Variants in USP6NL observed in about 807,000 individuals in gnomAD.
The protein encoded by USP6NL is USP6 N-terminal-like protein.
A neutral mutation model predicts 61.9 loss-of-function variants in USP6NL; 26 were observed. The observed-to-expected ratio is 0.42, with a 90% CI of 0.31 to 0.58. The LOEUF is 0.58. Among genes scored for constraint, USP6NL ranks in the 20% least tolerant of loss-of-function variants. The pLI is 0.16. For synonymous variants in USP6NL, 432 were observed against 390.1 expected, an observed-to-expected ratio of 1.11 and a Z score of -1.27; for missense variants, 1,114 against 1,034.3, an observed-to-expected ratio of 1.08 and a Z score of -1.06.
At position 11,602,248 on chromosome 10, in the gene USP6NL, A is replaced by G. The variant is rs1267805410; in HGVS notation, c.-83-4531T>C. On this transcript the variant is annotated intron_variant, in intron 1 of 14. Coordinates refer to ENST00000609104, the MANE Select transcript of USP6NL (RefSeq NM_014688.5). This position sits in a 1 kb window ranked among gnomAD's most constrained non-coding sequence, Gnocchi z 4.8. ...CAAGTCAGAAAGAAAAAAGCATCAG[A>G]AATGATGCCTCAACCAAGCTACATT... Among the ~76,000 whole-genome samples the G allele has an allele frequency of 2.6e-5, 4 of 152,194 alleles. No homozygotes were observed. The highest frequency in any genetic ancestry group is 5.9e-5 in the Non-Finnish European group (4 of 68,032).
In USP6NL at chr10:11,462,415, C is replaced by T. The variant is rs1372275905; in HGVS notation, c.*26G>A. On this transcript the variant is annotated 3_prime_UTR_variant, in exon 15 of 15. Coordinates refer to ENST00000609104, the MANE Select transcript of USP6NL (RefSeq NM_014688.5). Reference sequence around the variant, plus strand: ...TGTAGGTTTCACGTGGTTTCTCTCTCGTCTTTAGCAAGTACACGTCAAATC... The same window carrying T: ...TGTAGGTTTCACGTGGTTTCTCTCTTGTCTTTAGCAAGTACACGTCAAATC... 2.5e-6 allele frequency: 4 copies of T among 1,599,084 alleles called. No individual in the cohort carries two copies. The highest frequency in any genetic ancestry group is 2.7e-5 in the African/African-American group (2 of 74,382).
rs536749285 is a variant in USP6NL at position 11,510,989 on chromosome 10, A to G, written c.196-1314T>C. On this transcript the variant is annotated intron_variant, in intron 5 of 14. Transcript: ENST00000609104. This position sits in a 1 kb window ranked among gnomAD's most constrained non-coding sequence, Gnocchi z 4.8. ...GCTCCTTACTGACTGTCTGCAATCC[A>G]GCCTCAAACAGGCAGACATTATGCT... 6.6e-6 allele frequency among the ~76,000 whole-genome samples: 1 copy of G among 152,394 alleles called. No individual in the cohort carries two copies. Among genetic ancestry groups the G allele is most frequent in the South Asian group, 2.1e-4 (1 of 4,834 alleles).
At chr10:11,517,619 G>A (rs1008560675) in intron 5 of USP6NL, among the ~76,000 whole-genome samples, 2 of 152,174 alleles carry the variant, frequency 1.3e-5, no homozygotes, top group Non-Finnish European at 2.9e-5. Context: ...GAACCAGACA[G>A]TCACAAGAGA....
At chr10:11,599,820 C>T (rs946818787) in intron 1 of USP6NL, among the ~76,000 whole-genome samples, 2 of 151,326 alleles carry the variant, frequency 1.3e-5, no homozygotes, top group African/African-American at 4.9e-5. Context: ...CCACCACGCC[C>T]GGCTAATTTT....
At chr10:11,583,740 G>A (rs1165027548) in intron 2 of USP6NL, among the ~76,000 whole-genome samples, 3 of 152,052 alleles carry the variant, frequency 2.0e-5, no homozygotes, top group Non-Finnish European at 4.4e-5. Context: ...TAAAAAATTC[G>A]TTATTGGCCA....
At chr10:11,498,970 T>G (rs1834060758) in intron 7 of USP6NL, among the ~76,000 whole-genome samples, 1 of 152,214 alleles carries the variant, frequency 6.6e-6, no homozygotes, top group African/African-American at 2.4e-5. Flanking sequence ...ACTGTACCTA[T>G]TCATCTTCAT....
At chr10:11,576,244 A>C (rs1837540655) in intron 2 of USP6NL, among the ~76,000 whole-genome samples, 1 of 152,236 alleles carries the variant, frequency 6.6e-6, no homozygotes, top group African/African-American at 2.4e-5. Context: ...ATAAAAAATT[A>C]GATCCTGACT....
In USP6NL at chr10:11,470,392, G is replaced by T. The variant is rs1434081045; in HGVS notation, c.1079-6543C>A. ...ATCTGGCCTCTACTATGATGAAGAG[G>T]AAAATCTCCTTGACTTCATTACAGA... On this transcript the variant is annotated intron_variant, in intron 14 of 14. Coordinates refer to ENST00000609104, the MANE Select transcript of USP6NL (RefSeq NM_014688.5). The surrounding 1 kb of genome is among the most constrained non-coding windows in gnomAD (Gnocchi z 5.4). Among the ~76,000 whole-genome samples the T allele has an allele frequency of 6.6e-5, 10 of 152,152 alleles. No homozygotes were observed. The highest frequency in any genetic ancestry group is 6.5e-4 in the Admixed American group (10 of 15,286).
In USP6NL at chr10:11,532,348, G is replaced by T; in HGVS notation, c.5-4781C>A. On this transcript the variant is annotated intron_variant, in intron 2 of 14. Transcript: ENST00000609104. This position sits in a 1 kb window ranked among gnomAD's most constrained non-coding sequence, Gnocchi z 4.1. ...CAACTAACTAAAACAAAGAAAGGCAGAGGCAGCTCTACTTTAAACTATCTG... is the reference window on the plus strand; with the variant it reads ...CAACTAACTAAAACAAAGAAAGGCATAGGCAGCTCTACTTTAAACTATCTG... The T allele has an allele frequency of 1.3e-6, 1 of 790,232 alleles. No homozygotes were observed. Among genetic ancestry groups the T allele is most frequent in the South Asian group, 2.2e-5 (1 of 44,930 alleles). 49.0% of individuals were successfully genotyped at this position (790,232 alleles called of 1,614,324 possible).
In USP6NL at chr10:11,485,085, A is replaced by C; in HGVS notation, c.826-15T>G. The C allele has an allele frequency of 6.5e-7, 1 of 1,537,040 alleles. No individual in the cohort carries two copies. Among genetic ancestry groups the C allele is most frequent in the Non-Finnish European group, 8.7e-7 (1 of 1,142,970 alleles). On this transcript the variant is annotated splice_polypyrimidine_tract_variant and intron_variant, in intron 12 of 14. Transcript: ENST00000609104. This position sits in a 1 kb window ranked among gnomAD's most constrained non-coding sequence, Gnocchi z 4.8. ...GTAAAGGGAGTCTACAATTAAAAGC[A>C]AAACAAAACAAAAATAGGGTTAACA...
chr10:11,555,451 T>TATATATAGAGAGAGAG (rs1427219382), intron 2 of USP6NL, among the ~76,000 whole-genome samples: 3 of 60,996 alleles, frequency 4.9e-5, no homozygotes, highest in East Asian at 9.7e-4. Context: ...TATATATATA[T>TATATATAGAGAGAGAG]AGAGAGAGAG....
chr10:11,569,081 T>C (rs1837268488), intron 2 of USP6NL, among the ~76,000 whole-genome samples: 1 of 152,218 alleles, frequency 6.6e-6, no homozygotes, highest in South Asian at 2.1e-4. Flanking sequence ...CATGAATCCT[T>C]TGTAAATAAA....
intron 10 of USP6NL, among the ~76,000 whole-genome samples, chr10:11,488,483 AAC>A (rs962240612): frequency 2.9e-4 from 44 of 152,348 alleles, no homozygotes; most frequent in African/African-American, 1.1e-3. Flanking sequence ...AGTTATTATA[AAC>A]AGTGTTAACT....
At position 11,496,587 on chromosome 10, in the gene USP6NL, T is replaced by C. The variant is rs1833936035; in HGVS notation, c.385-3359A>G. 1.3e-5 allele frequency among the ~76,000 whole-genome samples: 2 copies of C among 152,286 alleles called. No individual in the cohort carries two copies. The highest frequency in any genetic ancestry group is 1.9e-4 in the East Asian group (1 of 5,192). On this transcript the variant is annotated intron_variant, in intron 7 of 14. Coordinates refer to ENST00000609104, the MANE Select transcript of USP6NL (RefSeq NM_014688.5). The surrounding 1 kb of genome is among the most constrained non-coding windows in gnomAD (Gnocchi z 5.4). ...GTTGAATCTCCCATGTTTAAACAGA[T>C]GGGAGATTAAAATTTAACCATGTTT...
chr10:11,606,831 G>A (rs1191982752), intron 1 of USP6NL, among the ~76,000 whole-genome samples: 3 of 148,942 alleles, frequency 2.0e-5, no homozygotes, highest in East Asian at 2.0e-4. Context: ...TTACTCTGTC[G>A]CCAGGCTGGA....
Position 11,478,550 on chromosome 10 carries a change from T to G in USP6NL, c.1078+3220A>C, listed in dbSNP as rs1047405582. ...TATCTGAATACCACTAAAATACTAG[T>G]GGATTCTTTTTTGTAACTTGACAAA... On this transcript the variant is annotated intron_variant, in intron 14 of 14. Coordinates refer to ENST00000609104, the MANE Select transcript of USP6NL (RefSeq NM_014688.5). The surrounding 1 kb of genome is among the most constrained non-coding windows in gnomAD (Gnocchi z 6.8). Among the ~76,000 whole-genome samples, 2 of 152,212 alleles carry G rather than the reference T, an allele frequency of 1.3e-5. No homozygotes were observed. Among genetic ancestry groups the G allele is most frequent in the Non-Finnish European group, 2.9e-5 (2 of 68,036 alleles).
At position 11,598,600 on chromosome 10, in the gene USP6NL, C is replaced by T. The variant is rs1314164004; in HGVS notation, c.-83-883G>A. On this transcript the variant is annotated intron_variant, in intron 1 of 14. Transcript: ENST00000609104. This position sits in a 1 kb window ranked among gnomAD's most constrained non-coding sequence, Gnocchi z 4.7. ...AAAATTCCACAGATAAGATCAGACTCAACACAAAATGTACACCTGTACTAC... is the reference window on the plus strand; with the variant it reads ...AAAATTCCACAGATAAGATCAGACTTAACACAAAATGTACACCTGTACTAC... 1.3e-5 allele frequency among the ~76,000 whole-genome samples: 2 copies of T among 152,164 alleles called. No homozygotes were observed. The highest frequency in any genetic ancestry group is 1.3e-4 in the Admixed American group (2 of 15,270).
At chr10:11,504,379 A>T (rs1283635297) in intron 6 of USP6NL, among the ~76,000 whole-genome samples, 1 of 152,200 alleles carries the variant, frequency 6.6e-6, no homozygotes, top group Non-Finnish European at 1.5e-5. Flanking sequence ...TTCAACTGGC[A>T]AAGTGGCATT....
Position 11,460,792 on chromosome 10 carries a change from G to A in USP6NL, c.*1649C>T, listed in dbSNP as rs1414586263. On this transcript the variant is annotated 3_prime_UTR_variant, in exon 15 of 15. Transcript: ENST00000609104. The stretch of plus-strand genomic sequence containing the variant: ...TATATAATGGGAATTAATATCCTCA[G>A]CTACATATTTATATACATTTATTTC... 2 of 152,138 alleles carry A rather than the reference G, an allele frequency of 1.3e-5. No individual in the cohort carries two copies. Among genetic ancestry groups the A allele is most frequent in the Non-Finnish European group, 2.9e-5 (2 of 67,950 alleles). 9.4% of individuals were successfully genotyped at this position (152,138 alleles called of 1,614,324 possible). A position where few individuals can be genotyped will look rare whatever the true frequency, so the allele number is the denominator to read the frequency against.
Sources: gnomAD v4.1 joint callset for allele counts (sites outside exome capture counted in the v4.1 genomes callset) on GRCh38, gnomAD v4.1.1 for gene constraint, Gnocchi (gnomAD v3.1) non-coding constraint, MANE v1.5 for transcripts, NCBI Gene and HGNC (gene_info 2026-07-23, HGNC 2026-07-21) for gene names.